Variants in SENP6 observed in about 807,000 individuals in gnomAD.
The protein encoded by SENP6 is SUMO specific peptidase 6, also known as sentrin-specific protease 6.
In SENP6, 41 loss-of-function variants were observed where a neutral mutation model predicts 134.5. The observed-to-expected ratio is 0.30, with a 90% CI of 0.24 to 0.40. The LOEUF (loss-of-function observed/expected upper bound fraction) is 0.40, where lower values mean the gene tolerates loss of function less well. Ranked by LOEUF, SENP6 falls within the 10% of genes least tolerant of loss-of-function variation. The pLI is 1.00. For synonymous variants in SENP6, 395 were observed against 429.8 expected (o/e 0.92, Z 1.00); for missense variants, 1,248 against 1,312.5 (o/e 0.95, Z 0.76).
intron 19 of SENP6, among the ~76,000 whole-genome samples, chr6:75,703,600 A>G (rs2149900744): frequency 6.6e-6 from 1 of 152,230 alleles, no homozygotes; most frequent in East Asian, 1.9e-4. Flanking sequence ...GTCTCTACCA[A>G]AAATACAAAA....
rs1208452025 is a variant in SENP6, at chr6:75,676,026, T to A, written c.1593T>A (p.Asn531Lys). The A allele has an allele frequency of 6.2e-7, 1 of 1,607,608 alleles. No homozygotes were observed. Among genetic ancestry groups the A allele is most frequent in the Non-Finnish European group, 8.5e-7 (1 of 1,177,636 alleles). The change falls in exon 13 of 24, where the codon AAT (asparagine) becomes AAA (lysine). Residue 531 changes from asparagine (N) to lysine (K), a missense_variant. By Grantham distance (94) the Asn-to-Lys change is moderately conservative. This residue lies in a region of SENP6 where 733 missense variants were observed against 725.4 expected (regional missense o/e 1.01). Coordinates refer to ENST00000447266, the MANE Select transcript of SENP6 (RefSeq NM_015571.4). ...TGAATAAGGAGGATAAAGTTTGGAATGATTGTAAAGGAGTAAATAAATTAA... is the reference window on the plus strand; with the variant it reads ...TGAATAAGGAGGATAAAGTTTGGAAAGATTGTAAAGGAGTAAATAAATTAA... ...LQMNKEDKVW[N>K]DCKGVNKLTN... is the part of the protein sequence containing the mutation.
At chr6:75,615,310 G>T (rs1438938730) in intron 1 of SENP6, among the ~76,000 whole-genome samples, 1 of 152,128 alleles carries the variant, frequency 6.6e-6, no homozygotes, top group Non-Finnish European at 1.5e-5. Context: ...CTCCCGAGTA[G>T]CTGGGATTAC....
In SENP6 at chr6:75,663,209, CT is replaced by C. The variant is rs1364414185; in HGVS notation, c.697-6del. On this transcript the variant is annotated splice_polypyrimidine_tract_variant and intron_variant, in intron 8 of 23. Coordinates refer to ENST00000447266, the MANE Select transcript of SENP6 (RefSeq NM_015571.4). ...GACCAAATGCCAAAGTTGTGGTGTT[CT>C]TTTTTCTAAGGATTTGCAAAGAAAT... The C allele has an allele frequency of 1.2e-6, 2 of 1,605,256 alleles. No individual in the cohort carries two copies. The highest frequency in any genetic ancestry group is 2.7e-5 in the African/African-American group (2 of 74,310).
At chr6:75,608,544 A>C (rs775888251) in intron 1 of SENP6, among the ~76,000 whole-genome samples, 3 of 152,008 alleles carry the variant, frequency 2.0e-5, no homozygotes, top group Non-Finnish European at 4.4e-5. Context: ...GGAAGGAAAG[A>C]AAGGAAGAAA....
intron 1 of SENP6, among the ~76,000 whole-genome samples, chr6:75,612,128 G>A (rs999457406): frequency 6.6e-6 from 1 of 152,096 alleles, no homozygotes; most frequent in African/African-American, 2.4e-5. Context: ...ATTTGGTGGT[G>A]GCTTGTGTGG....
chr6:75,607,005 T>C (rs1279884463), intron 1 of SENP6, among the ~76,000 whole-genome samples: 1 of 151,990 alleles, frequency 6.6e-6, no homozygotes, highest in Non-Finnish European at 1.5e-5. Flanking sequence ...TGGTGTCAGA[T>C]AGGAGAGCGG....
chr6:75,700,517 C>T (rs1250891243), intron 18 of SENP6, among the ~76,000 whole-genome samples: 1 of 151,970 alleles, frequency 6.6e-6, no homozygotes, highest in Non-Finnish European at 1.5e-5. Context: ...GATGGGGTCT[C>T]ACTCTGTCGC....
At chr6:75,701,294 G>A (rs1349677274) in intron 18 of SENP6, among the ~76,000 whole-genome samples, 52 of 152,046 alleles carry the variant, frequency 3.4e-4, no homozygotes. Flanking sequence ...ATGAATATTA[G>A]CCAGGACTGT....
At chr6:75,664,668 C>G (rs1391872770) in intron 9 of SENP6, among the ~76,000 whole-genome samples, 1 of 152,106 alleles carries the variant, frequency 6.6e-6, no homozygotes, top group East Asian at 1.9e-4. Context: ...AATATTTGTT[C>G]CTGAGACTGG....
At chr6:75,706,907 T>C (rs1032091229) in intron 19 of SENP6, among the ~76,000 whole-genome samples, 1 of 152,226 alleles carries the variant, frequency 6.6e-6, no homozygotes, top group African/African-American at 2.4e-5. Context: ...TATGAAATAG[T>C]TGACTTGCCA....
At chr6:75,676,133 T>G (rs1394832824) in intron 13 of SENP6, 79 bp downstream of exon 13, 1 of 964,892 alleles carries the variant, frequency 1.0e-6, no homozygotes, top group East Asian at 2.8e-5. Context: ...AAAATGTGAG[T>G]GCACTTTGAC....
chr6:75,711,223 T>C, intron 20 of SENP6, 105 bp from the exon 21 acceptor site: 1 of 706,068 alleles, frequency 1.4e-6, no homozygotes, highest in Non-Finnish European at 2.3e-6. Context: ...AGAAAAAGTT[T>C]TGACAATCAT....
At chr6:75,665,635 C>T (rs868562565) in intron 9 of SENP6, among the ~76,000 whole-genome samples, 3 of 152,190 alleles carry the variant, frequency 2.0e-5, no homozygotes, top group South Asian at 2.1e-4. Context: ...TTCTTGCTCA[C>T]GTCCATTTAC....
intron 7 of SENP6, among the ~76,000 whole-genome samples, chr6:75,657,289 T>C (rs1771416237): frequency 6.6e-6 from 1 of 152,242 alleles, no homozygotes; most frequent in Non-Finnish European, 1.5e-5. Flanking sequence ...AATGTCTGCC[T>C]TCTTTTTATA....
At chr6:75,611,380 C>G (rs1285829892) in intron 1 of SENP6, 1 of 152,242 alleles carries the variant, frequency 6.6e-6, no homozygotes, top group African/African-American at 2.4e-5. Context: ...TTCTCCTTCA[C>G]AAGTTTGGGT....
chr6:75,628,058 A>G (rs1010070329), intron 3 of SENP6, among the ~76,000 whole-genome samples: 20 of 152,166 alleles, frequency 1.3e-4, no homozygotes, highest in African/African-American at 4.8e-4. Flanking sequence ...TTAAAGTAAA[A>G]CCTACAGGAC....
intron 6 of SENP6, among the ~76,000 whole-genome samples, chr6:75,644,356 A>G (rs1770263659): frequency 6.6e-6 from 1 of 152,182 alleles, no homozygotes; most frequent in Admixed American, 6.5e-5. Flanking sequence ...TTCTCTCTAA[A>G]TACTGAAAAA....
In SENP6 at chr6:75,601,933, G is replaced by C. The variant is rs1766650614; in HGVS notation, c.-592G>C. 6.6e-6 allele frequency: 1 copy of C among 152,202 alleles called. No individual in the cohort carries two copies. The highest frequency in any genetic ancestry group is 6.5e-5 in the Admixed American group (1 of 15,280). 9.4% of individuals were successfully genotyped at this position (152,202 alleles called of 1,614,324 possible). On this transcript the variant is annotated 5_prime_UTR_variant, in exon 1 of 24. Transcript: ENST00000447266. ...ACCGACGCGAGGCGGTGGCAGAGGA[G>C]ACCCACCCCTGTCCACATGGACAGT...
intron 2 of SENP6, 145 bp from the exon 3 acceptor site, chr6:75,623,755 T>G: frequency 1.7e-6 from 1 of 576,136 alleles, no homozygotes; most frequent in Non-Finnish European, 3.0e-6. Context: ...AGAGACCATA[T>G]GGCCTGCAAA....
Sources: allele counts gnomAD v4.1 joint callset (sites outside exome capture counted in the v4.1 genomes callset), GRCh38; gene constraint gnomAD v4.1.1; regional missense constraint gnomAD v4.1.1; transcripts MANE v1.5; gene names NCBI Gene and HGNC (gene_info 2026-07-23, HGNC 2026-07-21).